ERC1: variants seen among roughly 807,000 people sequenced by gnomAD.
ERC1 encodes the protein ELKS/RAB6-interacting/CAST family member 1.
ERC1 carries 56 observed loss-of-function variants against 132.0 expected under a neutral mutation model. That is an observed-to-expected ratio of 0.42 (90% CI 0.34 to 0.53). The LOEUF is 0.53. Among genes scored for constraint, ERC1 ranks in the 20% least tolerant of loss-of-function variants. The pLI, the probability that ERC1 is intolerant of heterozygous loss-of-function variation, is 0.03. For synonymous variants in ERC1, 478 were observed against 476.1 expected (o/e 1.00, Z -0.05); for missense variants, 1,202 against 1,349.9 (o/e 0.89, Z 1.72).
At chr12:998,807 CACTTTTCTGTTTTTCTT>C (rs981919090) in intron 1 of ERC1, among the ~76,000 whole-genome samples, 10 of 151,366 alleles carry the variant, frequency 6.6e-5, no homozygotes, top group Non-Finnish European at 1.3e-4. Flanking sequence ...GTCTTCAGAG[CACTTTTCTGTTTTTCTT>C]GCTGGTTCTC....
At chr12:1,435,625 C>T (rs2092926708) in intron 17 of ERC1, among the ~76,000 whole-genome samples, 1 of 152,178 alleles carries the variant, frequency 6.6e-6, no homozygotes, top group Admixed American at 6.5e-5. Context: ...GAAAACTAAG[C>T]TGTACTAAGC....
intron 17 of ERC1, among the ~76,000 whole-genome samples, chr12:1,440,400 G>A (rs1230535731): frequency 2.0e-5 from 3 of 150,086 alleles, no homozygotes; most frequent in African/African-American, 4.9e-5. Context: ...TAGAGACGGG[G>A]TTTCACCGTG....
intron 16 of ERC1, chr12:1,391,561 A>C (rs2089962645): frequency 6.6e-6 from 1 of 152,150 alleles, no homozygotes; most frequent in South Asian, 2.1e-4. Flanking sequence ...TGGAGGGGAG[A>C]CTTCATTGCT....
At chr12:1,336,098 C>T (rs1402536910) in intron 15 of ERC1, among the ~76,000 whole-genome samples, 1 of 151,932 alleles carries the variant, frequency 6.6e-6, no homozygotes, top group Non-Finnish European at 1.5e-5. Flanking sequence ...TCTGTGGGTT[C>T]GGTAATAATA....
At chr12:1,098,246 T>C (rs1016119464) in intron 3 of ERC1, among the ~76,000 whole-genome samples, 19 of 152,368 alleles carry the variant, frequency 1.2e-4, no homozygotes, top group African/African-American at 4.6e-4. Flanking sequence ...TTTAATTTTA[T>C]GATAGTTTAT....
At chr12:1,110,797 T>A (rs900267073) in intron 5 of ERC1, among the ~76,000 whole-genome samples, 1 of 152,080 alleles carries the variant, frequency 6.6e-6, no homozygotes, top group Admixed American at 6.5e-5. Context: ...TCTGCCTCCA[T>A]GTTCAAGTGA....
chr12:1,237,343 C>A (rs1214310875), intron 13 of ERC1, among the ~76,000 whole-genome samples: 1 of 151,922 alleles, frequency 6.6e-6, no homozygotes, highest in Non-Finnish European at 1.5e-5. Flanking sequence ...CCTTCCTTTC[C>A]TCTTTTTAAA....
intron 13 of ERC1, among the ~76,000 whole-genome samples, chr12:1,261,148 A>G (rs957566906): frequency 8.5e-5 from 13 of 152,336 alleles, no homozygotes; most frequent in African/African-American, 3.1e-4. Context: ...CCCCACGCAG[A>G]TGTACAAGTG....
At chr12:1,099,853 T>C in intron 3 of ERC1, among the ~76,000 whole-genome samples, 1 of 125,438 alleles carries the variant, frequency 8.0e-6, no homozygotes, top group South Asian at 2.9e-4. Context: ...TTTTTTTTTT[T>C]TTTTTTTTTT....
chr12:1,216,496 A>T (rs574858481), intron 12 of ERC1, among the ~76,000 whole-genome samples: 1 of 151,906 alleles, frequency 6.6e-6, no homozygotes, highest in South Asian at 2.1e-4. Context: ...GTGGAGAAAT[A>T]CGGATGGCAT....
chr12:991,545 G>GCCCCACC (rs1466911766), intron 1 of ERC1: 3 of 152,066 alleles, frequency 2.0e-5, no homozygotes, highest in African/African-American at 4.8e-5. Flanking sequence ...GGAGGGGCGG[G>GCCCCACC]CCCCACCCAG....
chr12:1,402,614 A>AACACCAC (rs762354470), intron 16 of ERC1, among the ~76,000 whole-genome samples: 2 of 144,896 alleles, frequency 1.4e-5, no homozygotes, highest in African/African-American at 5.1e-5. Context: ...TGTAACCCCC[A>AACACCAC]ACACACACAC....
intron 18 of ERC1, among the ~76,000 whole-genome samples, chr12:1,489,057 G>A (rs10848493): frequency 0.51 from 78,096 of 152,036 alleles, 21,837 homozygotes; most frequent in Middle Eastern, 0.65. Context: ...GGCAGATCAC[G>A]CTGGAACGTC....
At chr12:1,075,837 A>G (rs1941256275) in intron 2 of ERC1, among the ~76,000 whole-genome samples, 1 of 152,228 alleles carries the variant, frequency 6.6e-6, no homozygotes, top group African/African-American at 2.4e-5. Context: ...TGTTTTGAGT[A>G]GGCTGAGGAA....
chr12:1,257,803 A>G (rs926724316), intron 13 of ERC1, among the ~76,000 whole-genome samples: 3 of 152,226 alleles, frequency 2.0e-5, no homozygotes, highest in Non-Finnish European at 4.4e-5. Flanking sequence ...GAATTTTCTA[A>G]TAGTCTCATT....
intron 13 of ERC1, among the ~76,000 whole-genome samples, chr12:1,262,674 C>T (rs1394468129): frequency 6.6e-6 from 1 of 151,794 alleles, no homozygotes; most frequent in Non-Finnish European, 1.5e-5. Context: ...ATTACTATCT[C>T]ATCAAAGCTG....
At chr12:1,408,105 A>G (rs763885577) in intron 16 of ERC1, 44 bp from the exon 17 acceptor site, 9 of 1,399,152 alleles carry the variant, frequency 6.4e-6, no homozygotes, top group Middle Eastern at 1.8e-4. Flanking sequence ...AGTGTGTCAT[A>G]GAAACTTTAC....
rs56939346 is a variant in ERC1 at position 1,493,548 on chromosome 12, A to AAAAAATATATAT, written c.*3319_*3320insAAAATATATATA. 2.9e-4 allele frequency: 4 copies of AAAAAATATATAT among 13,616 alleles called. No homozygotes were observed. The highest frequency in any genetic ancestry group is 4.4e-4 in the African/African-American group (2 of 4,554). The allele number at this position is 13,616 out of a possible 1,614,324, so 0.8% of individuals were successfully genotyped here. ...ACTCCATTTAAAAAAAAAAAAAAAA[A>AAAAAATATATAT]ATATATATATATATATATATATATA... On this transcript the variant is annotated 3_prime_UTR_variant, in exon 19 of 19. Coordinates refer to ENST00000360905, the MANE Select transcript of ERC1 (RefSeq NM_178040.4).
intron 1 of ERC1, among the ~76,000 whole-genome samples, chr12:1,022,929 G>A (rs1034306695): frequency 6.6e-6 from 1 of 152,136 alleles, no homozygotes; most frequent in Non-Finnish European, 1.5e-5. Context: ...AGATCTGATG[G>A]TTTTGTAAGG....
Sources: allele counts gnomAD v4.1 joint callset (sites outside exome capture counted in the v4.1 genomes callset), GRCh38; gene constraint gnomAD v4.1.1; transcripts MANE v1.5; gene names NCBI Gene and HGNC (gene_info 2026-07-23, HGNC 2026-07-21).